The following ZRSR2 variants were observed in gnomAD, a reference collection of about 807,000 sequenced individuals.
The protein encoded by ZRSR2 is U2 small nuclear ribonucleoprotein auxiliary factor 35 kDa subunit-related protein 2.
In ZRSR2, 3 loss-of-function variants were observed where a neutral mutation model predicts 39.4. The ratio of observed to expected loss-of-function variants is 0.08; its 90% confidence interval spans 0.03 to 0.20. The LOEUF is 0.20. Ranked by LOEUF, ZRSR2 falls within the 10% of genes least tolerant of loss-of-function variation. ZRSR2 has a pLI of 1.00. For synonymous variants in ZRSR2, 137 were observed against 136.0 expected (o/e 1.01, Z -0.05); for missense variants, 256 against 391.5 (o/e 0.65, Z 2.92).
Position 15,794,774 on chromosome X carries a change from C to A in ZRSR2, c.121+3761C>A, listed in dbSNP as rs1932393912. ...GTCTGACATTTTTGCTTTTTCATTTCTCTAAAAATGTTTCTATACAGTACC... is the reference window on the plus strand; with the variant it reads ...GTCTGACATTTTTGCTTTTTCATTTATCTAAAAATGTTTCTATACAGTACC... On this transcript the variant is annotated intron_variant, in intron 2 of 10. Transcript: ENST00000307771. 2.7e-5 allele frequency among the ~76,000 whole-genome samples: 3 copies of A among 112,026 alleles called. No homozygotes were observed. The Admixed American group carries it at 2.9e-4, about 11-fold the overall frequency.
At chrX:15,796,864 G>A (rs1439593813) in intron 2 of ZRSR2, among the ~76,000 whole-genome samples, 1 of 92,958 alleles carries the variant, frequency 1.1e-5, no homozygotes, top group African/African-American at 4.1e-5. Flanking sequence ...TGCAATTTCG[G>A]CTCACTGCAA....
intron 2 of ZRSR2, among the ~76,000 whole-genome samples, chrX:15,794,793 C>T (rs888320953): frequency 8.9e-6 from 1 of 112,301 alleles, no homozygotes; most frequent in African/African-American, 3.2e-5. Context: ...TGTTTCTATA[C>T]AGTACCAATT....
At chrX:15,818,460 T>G in intron 8 of ZRSR2, 127 bp from the exon 9 acceptor site, 1 of 545,857 alleles carries the variant, frequency 1.8e-6, no homozygotes, top group Non-Finnish European at 2.9e-6. Flanking sequence ...AGTCAGCTAG[T>G]ATCTCTATTT....
At chrX:15,803,073 G>T (rs913708544) in intron 3 of ZRSR2, among the ~76,000 whole-genome samples, 3 of 108,849 alleles carry the variant, frequency 2.8e-5, no homozygotes, top group Non-Finnish European at 5.7e-5. Flanking sequence ...GACCAGCCTG[G>T]CCAACATGAT....
intron 2 of ZRSR2, among the ~76,000 whole-genome samples, chrX:15,794,614 T>C (rs1378882740): frequency 9.0e-6 from 1 of 111,402 alleles, no homozygotes; most frequent in Non-Finnish European, 1.9e-5. Flanking sequence ...TAATGTTGAG[T>C]AGGCCGAGGA....
intron 5 of ZRSR2, 100 bp downstream of exon 5, chrX:15,804,297 ATTGT>A: frequency 3.7e-6 from 4 of 1,075,619 alleles, no homozygotes; most frequent in Non-Finnish European, 4.9e-6. Flanking sequence ...TTGTCATTTC[ATTGT>A]TTGTTTGGAA....
At chrX:15,814,862 C>T (rs772504908) in intron 7 of ZRSR2, among the ~76,000 whole-genome samples, 14 of 112,256 alleles carry the variant, frequency 1.2e-4, no homozygotes, top group Non-Finnish European at 2.3e-4. Context: ...CTACAAGATG[C>T]TGTACACAGA....
chrX:15,818,728 T>C (rs1933031342), intron 9 of ZRSR2, 86 bp downstream of exon 9: 1 of 706,463 alleles, frequency 1.4e-6, no homozygotes, highest in Admixed American at 3.3e-5. Context: ...TTCCACTGGA[T>C]ATATAACTTT....
intron 10 of ZRSR2, 127 bp downstream of exon 10, chrX:15,820,443 A>G (rs1304387354): frequency 3.6e-6 from 2 of 559,017 alleles, no homozygotes; most frequent in Non-Finnish European, 5.9e-6. Flanking sequence ...GTAGATGAGC[A>G]GAGAACTTTA....
At chrX:15,798,780 C>T (rs965586009) in intron 2 of ZRSR2, among the ~76,000 whole-genome samples, 1 of 112,120 alleles carries the variant, frequency 8.9e-6, no homozygotes, top group Admixed American at 9.5e-5. Flanking sequence ...GGTAACAACA[C>T]TCTTTAGAAC....
intron 2 of ZRSR2, among the ~76,000 whole-genome samples, chrX:15,796,784 GTTTTTTTTTTTTT>G (rs141175603): frequency 1.3e-4 from 5 of 39,913 alleles, no homozygotes; most frequent in African/African-American, 6.1e-4. Flanking sequence ...GTTTCAAATC[GTTTTTTTTTTTTT>G]TTTTTTTTTT....
At chrX:15,821,265 A>G (rs1306434268) in intron 10 of ZRSR2, among the ~76,000 whole-genome samples, 6 of 110,220 alleles carry the variant, frequency 5.4e-5, no homozygotes, top group African/African-American at 2.0e-4. Flanking sequence ...CTGGGAATCC[A>G]GTGTGAGTTC....
At chrX:15,811,008 A>C (rs913594147) in intron 7 of ZRSR2, among the ~76,000 whole-genome samples, 12 of 109,781 alleles carry the variant, frequency 1.1e-4, no homozygotes, top group Non-Finnish European at 2.3e-4. Flanking sequence ...GAGAGCCACT[A>C]ATGTCAAGTG....
rs763273994 is a variant in ZRSR2 at position 15,803,731 on chromosome X, C to A, written c.247C>A (p.Gln83Lys). The A allele has an allele frequency of 8.3e-7, 1 of 1,201,562 alleles. No homozygotes were observed. Among genetic ancestry groups the A allele is most frequent in the South Asian group, 1.8e-5 (1 of 55,390 alleles). The change falls in exon 4 of 11, where the codon CAA becomes AAA. Residue 83 changes from glutamine to lysine, a missense_variant. This residue lies in a region of ZRSR2 where 87 missense variants were observed against 111.7 expected (regional missense o/e 0.78). Transcript: ENST00000307771. The stretch of plus-strand genomic sequence containing the variant: ...GTGGTTGCTAAGAGAGCAGAAGGCA[C>A]AAGAAGAATTCAGAATAAAGAAGGA... Reference protein sequence around the residue: ...EEWLLREQKAQEEFRIKKEKE... With the variant: ...EEWLLREQKAKEEFRIKKEKE...
chrX:15,818,457 T>C, intron 8 of ZRSR2, 130 bp from the exon 9 acceptor site: 1 of 537,945 alleles, frequency 1.9e-6, no homozygotes, highest in Non-Finnish European at 3.0e-6. Context: ...AAGAGTCAGC[T>C]AGTATCTCTA....
intron 5 of ZRSR2, 132 bp downstream of exon 5, chrX:15,804,329 T>G: frequency 2.0e-6 from 2 of 986,928 alleles, no homozygotes; most frequent in Non-Finnish European, 2.7e-6. Context: ...TATTTCAGTT[T>G]AGACATAACA....
chrX:15,818,486 G>C, intron 8 of ZRSR2, 101 bp from the exon 9 acceptor site: 1 of 736,012 alleles, frequency 1.4e-6, no homozygotes, highest in South Asian at 2.6e-5. Flanking sequence ...TCTTTGATTG[G>C]TAACTACTTT....
rs375085201 is a variant in ZRSR2, at chrX:15,809,265, T to G, written c.504T>G (p.Asp168Glu). ...TGGATTTCAGAGTAATGGAGAAGGA[T>G]CGAGCTAATTGTCCCTTCTACAGTA... ...PPVDFRVMEK[D>E]RANCPFYSKT... Residue 168 changes from aspartate (D) to glutamate (E), a missense_variant, in exon 7 of 11, where the codon GAT becomes GAG. Physicochemically the swap from Asp to Glu is conservative, Grantham distance 45. Around this residue, in one of 3 missense-constraint regions of ZRSR2, gnomAD observed 58 missense variants for 163.1 expected, o/e 0.36. Coordinates refer to ENST00000307771, the MANE Select transcript of ZRSR2 (RefSeq NM_005089.4). 1.7e-6 allele frequency: 2 copies of G among 1,208,919 alleles called. No individual in the cohort carries two copies. Among genetic ancestry groups the G allele is most frequent in the African/African-American group, 1.7e-5 (1 of 57,251 alleles).
At chrX:15,805,727 C>T (rs1237326354) in intron 5 of ZRSR2, among the ~76,000 whole-genome samples, 2 of 109,995 alleles carry the variant, frequency 1.8e-5, no homozygotes, top group Non-Finnish European at 3.8e-5. Flanking sequence ...GTCAGGAGTT[C>T]GAGGCCAGCC....
Sources: allele counts gnomAD v4.1 joint callset (sites outside exome capture counted in the v4.1 genomes callset), GRCh38; gene constraint gnomAD v4.1.1; regional missense constraint gnomAD v4.1.1; transcripts MANE v1.5; gene names NCBI Gene and HGNC (gene_info 2026-07-23, HGNC 2026-07-21).